Variants in ALX3 observed in about 807,000 individuals in gnomAD.
ALX3 encodes the protein homeobox protein aristaless-like 3.
In ALX3, 17 loss-of-function variants were observed where a neutral mutation model predicts 26.3. The ratio of observed to expected loss-of-function variants is 0.65; its 90% CI spans 0.44 to 0.97. The LOEUF is 0.97. ALX3 is among the 50% of genes least tolerant of loss of function. The probability of loss-of-function intolerance (pLI) is 0.00; values close to 1 mark genes in which losing one functional copy is unlikely to be tolerated. For synonymous variants in ALX3, 208 were observed against 201.4 expected, an observed-to-expected ratio of 1.03 and a Z score of -0.28; for missense variants, 461 against 466.5, an observed-to-expected ratio of 0.99 and a Z score of 0.11.
At chr1:110,067,970 A>G (rs1231286204) in intron 1 of ALX3, among the ~76,000 whole-genome samples, 3 of 151,806 alleles carry the variant, frequency 2.0e-5, no homozygotes, top group Non-Finnish European at 4.4e-5. Context: ...CTCTAGTAGG[A>G]GTCTCTTGCC....
At chr1:110,061,670 C>T (rs1464192150) in intron 2 of ALX3, 107 bp from the exon 3 acceptor site, 1 of 1,501,922 alleles carries the variant, frequency 6.7e-7, no homozygotes, top group African/African-American at 1.4e-5. Flanking sequence ...GGGGAGCAGG[C>T]TCCAGGATGG....
chr1:110,061,569 G>A lies in ALX3; in HGVS notation c.595-6C>T, dbSNP rs1471197800. ...CTGCGGTTCTGGAACCAGACCTGGG[G>A]GCAGGTTGTGGGGGTTTGAGGGGGT... On this transcript the variant is annotated splice_region_variant and splice_polypyrimidine_tract_variant and intron_variant, in intron 2 of 3. Transcript: ENST00000647563. 1 of 1,614,160 alleles carries A rather than the reference G, an allele frequency of 6.2e-7. No homozygotes were observed. Among genetic ancestry groups the A allele is most frequent in the Non-Finnish European group, 8.5e-7 (1 of 1,180,038 alleles).
chr1:110,070,387 C>A lies in ALX3; in HGVS notation c.226G>T (p.Gly76Trp). The A allele has an allele frequency of 7.8e-7, 1 of 1,285,704 alleles. No homozygotes were observed. The highest frequency in any genetic ancestry group is 3.4e-5 in the South Asian group (1 of 29,690). 79.6% of individuals were successfully genotyped at this position (1,285,704 alleles called of 1,614,324 possible). The change falls in exon 1 of 4, where the codon GGG (glycine) becomes TGG (tryptophan). Residue 76 changes from glycine to tryptophan, a missense_variant. Transcript: ENST00000647563. ...KPPAKYLQDL[G>W]PGPALNGGHF... The stretch of plus-strand genomic sequence containing the variant: ...CCGCCGTTGAGGGCCGGGCCGGGCC[C>A]GAGGTCCTGCAGGTACTTGGCGGGC...
intron 3 of ALX3, 78 bp downstream of exon 3, chr1:110,061,357 C>A: frequency 6.2e-7 from 1 of 1,607,000 alleles, no homozygotes; most frequent in South Asian, 1.1e-5. Context: ...TGACGCTCTC[C>A]AGGTTTCTTC....
intron 2 of ALX3, among the ~76,000 whole-genome samples, chr1:110,062,951 C>T (rs1161977764): frequency 1.3e-5 from 2 of 152,172 alleles, no homozygotes; most frequent in Middle Eastern, 3.2e-3. Context: ...TTGGGGATCC[C>T]GCTGTAGGCC....
chr1:110,067,113 C>T (rs1256055374), intron 1 of ALX3, among the ~76,000 whole-genome samples: 3 of 152,174 alleles, frequency 2.0e-5, no homozygotes, highest in Non-Finnish European at 4.4e-5. Context: ...GAGAGGGGCA[C>T]TCCTCAGAGA....
rs1020677419 is a variant in ALX3, at chr1:110,064,727, T to G, written c.454A>C (p.Lys152Gln). 1 of 1,614,098 alleles carries G rather than the reference T, an allele frequency of 6.2e-7. No homozygotes were observed. The highest frequency in any genetic ancestry group is 1.3e-5 in the African/African-American group (1 of 74,936). ...DSMELAKNKS[K>Q]KRRNRTTFST... is the part of the protein sequence containing the mutation. ...AAGGTCGTGCGGTTACGACGCTTCT[T>G]GCTCTTGTTCTTGGCCAACTCCATG... Residue 152 changes from lysine (K) to glutamine (Q), a missense_variant, in exon 2 of 4, where the codon AAG (lysine) becomes CAG (glutamine). Physicochemically the swap from Lys to Gln is moderately conservative, Grantham distance 53. Transcript: ENST00000647563.
intron 1 of ALX3, among the ~76,000 whole-genome samples, chr1:110,068,881 C>T (rs1294191532): frequency 6.6e-6 from 1 of 152,216 alleles, no homozygotes; most frequent in Non-Finnish European, 1.5e-5. Context: ...TCCCGGGGTG[C>T]TGGGTTTCTC....
At chr1:110,061,282 A>T in intron 3 of ALX3, 153 bp downstream of exon 3, 2 of 1,286,954 alleles carry the variant, frequency 1.6e-6, no homozygotes, top group Non-Finnish European at 2.2e-6. Context: ...CATTCATGAG[A>T]CAGGCAAGAG....
rs746228217 is a variant in ALX3 at position 110,064,718 on chromosome 1, G to A, written c.463C>T (p.Arg155Cys). ...AATGTGCTGAAGGTCGTGCGGTTACGACGCTTCTTGCTCTTGTTCTTGGCC... is the reference window on the plus strand; with the variant it reads ...AATGTGCTGAAGGTCGTGCGGTTACAACGCTTCTTGCTCTTGTTCTTGGCC... ...ELAKNKSKKR[R>C]NRTTFSTFQL... Residue 155 changes from arginine to cysteine, a missense_variant, in exon 2 of 4, where the codon CGT (arginine) becomes TGT (cysteine). Arg to Cys is a radical substitution (Grantham distance 180). Around this residue, in one of 3 missense-constraint regions of ALX3, gnomAD observed 51 missense variants for 82.4 expected, o/e 0.62. Transcript: ENST00000647563. 1.1e-5 allele frequency: 17 copies of A among 1,614,104 alleles called. No individual in the cohort carries two copies. The highest frequency in any genetic ancestry group is 1.4e-5 in the Non-Finnish European group (16 of 1,180,046).
chr1:110,068,476 A>C (rs540265275), intron 1 of ALX3, among the ~76,000 whole-genome samples: 10 of 152,358 alleles, frequency 6.6e-5, no homozygotes, highest in Non-Finnish European at 8.8e-5. Context: ...GATCTCTACC[A>C]GGCTCTGCTC....
intron 1 of ALX3, among the ~76,000 whole-genome samples, chr1:110,065,854 C>CA (rs1204333037): frequency 6.6e-6 from 1 of 152,246 alleles, no homozygotes; most frequent in Non-Finnish European, 1.5e-5. Flanking sequence ...GATCGACCGA[C>CA]AGAGCATGGT....
At position 110,060,979 on chromosome 1, in the gene ALX3, A is replaced by T; in HGVS notation, c.786T>A (p.Ser262=). 2 of 1,612,740 alleles carry T rather than the reference A, an allele frequency of 1.2e-6. No individual in the cohort carries two copies. The highest frequency in any genetic ancestry group is 2.2e-5 in the South Asian group (2 of 90,906). The change falls in exon 4 of 4, where the codon TCT becomes TCA. Residue 262 remains serine (S), a synonymous_variant. Transcript: ENST00000647563. ...SGSPGGPCLV[S]PEGIPSPCMS... ...TGCATGGGGAGGGGATGCCCTCTGGAGACACAAGGCAGGGGCCTCCAGGGC... is the reference window on the plus strand; with the variant it reads ...TGCATGGGGAGGGGATGCCCTCTGGTGACACAAGGCAGGGGCCTCCAGGGC...
At chr1:110,066,139 C>G (rs481420) in intron 1 of ALX3, among the ~76,000 whole-genome samples, 106,806 of 152,202 alleles carry the variant, frequency 0.7, 38,826 homozygotes, top group African/African-American at 0.9. Flanking sequence ...TGGGACTGGA[C>G]AAATGGGCCT....
chr1:110,064,158 G>A (rs760718217), intron 2 of ALX3, among the ~76,000 whole-genome samples: 4 of 152,150 alleles, frequency 2.6e-5, no homozygotes, highest in Non-Finnish European at 5.9e-5. Context: ...CTCAGGAGCA[G>A]CCCTGATGTG....
chr1:110,064,759 G>C lies in ALX3; in HGVS notation c.422C>G (p.Pro141Arg). Residue 141 changes from proline (P) to arginine (R), a missense_variant, in exon 2 of 4, where the codon CCT becomes CGT. Transcript: ENST00000647563. The part of the protein sequence containing the change: ...SLHLPLSPGL[P>R]DSMELAKNKS... ...GTTCTTGGCCAACTCCATGGAGTCA[G>C]GGAGTCCCGGGGAAAGAGGAAGATG... 6.2e-7 allele frequency: 1 copy of C among 1,614,256 alleles called. No homozygotes were observed. The highest frequency in any genetic ancestry group is 8.5e-7 in the Non-Finnish European group (1 of 1,180,048).
At position 110,060,519 on chromosome 1, in the gene ALX3, A is replaced by T. The variant is rs573263899; in HGVS notation, c.*214T>A. Reference sequence around the variant, plus strand: ...GTGAGGGGACTCAGTTTGTGGTAGGAAGAGTCCTGGCTGCTTCGAAGCCCC... The same window carrying T: ...GTGAGGGGACTCAGTTTGTGGTAGGTAGAGTCCTGGCTGCTTCGAAGCCCC... On this transcript the variant is annotated 3_prime_UTR_variant, in exon 4 of 4. Coordinates refer to ENST00000647563, the MANE Select transcript of ALX3 (RefSeq NM_006492.3). 2.4e-5 allele frequency: 10 copies of T among 422,370 alleles called. No homozygotes were observed. The highest frequency in any genetic ancestry group is 1.3e-5 in the Non-Finnish European group (3 of 238,770). 26.2% of individuals were successfully genotyped at this position (422,370 alleles called of 1,614,324 possible). A position where few individuals can be genotyped will look rare whatever the true frequency, so the allele number is the denominator to read the frequency against.
Position 110,070,553 on chromosome 1 carries a change from G to A in ALX3, c.60C>T (p.Ala20=). ...RVGPAPGPYV[A]SGDEPPGPQG... Reference sequence around the variant, plus strand: ...GCGGGCCCGGAGGCTCGTCCCCCGAGGCCACATAGGGGCCGGGTGCAGGCC... The same window carrying A: ...GCGGGCCCGGAGGCTCGTCCCCCGAAGCCACATAGGGGCCGGGTGCAGGCC... The change falls in exon 1 of 4, where the codon GCC becomes GCT. Residue 20 remains alanine, a synonymous_variant. Transcript: ENST00000647563. 7.6e-7 allele frequency: 1 copy of A among 1,308,382 alleles called. No individual in the cohort carries two copies. The highest frequency in any genetic ancestry group is 9.7e-7 in the Non-Finnish European group (1 of 1,026,272). The allele number at this position is 1,308,382 out of a possible 1,614,324, so 81.0% of individuals were successfully genotyped here.
chr1:110,066,620 G>C (rs1653794947), intron 1 of ALX3, among the ~76,000 whole-genome samples: 1 of 114,140 alleles, frequency 8.8e-6, no homozygotes, highest in South Asian at 3.1e-4. Context: ...ACACACAGCA[G>C]GCCATGGAAA....
Sources: gnomAD v4.1 joint callset for allele counts (sites outside exome capture counted in the v4.1 genomes callset) on GRCh38, gnomAD v4.1.1 for gene constraint, gnomAD v4.1.1 regional missense constraint, MANE v1.5 for transcripts, NCBI Gene and HGNC (gene_info 2026-07-23, HGNC 2026-07-21) for gene names.